Variants in SCAF8 observed in about 807,000 individuals in gnomAD.
The protein encoded by SCAF8 is SR-related CTD associated factor 8, also known as SR-related and CTD-associated factor 8.
SCAF8 carries 23 observed loss-of-function variants against 140.5 expected under a neutral mutation model. The observed-to-expected ratio is 0.16, with a 90% CI of 0.12 to 0.23. SCAF8 has a LOEUF of 0.23. SCAF8 is among the 10% of genes least tolerant of loss of function. The pLI, the probability that SCAF8 is intolerant of heterozygous loss-of-function variation, is 1.00. For synonymous variants in SCAF8, 575 were observed against 528.9 expected, an observed-to-expected ratio of 1.09 and a Z score of -1.20; for missense variants, 1,397 against 1,555.7, an observed-to-expected ratio of 0.90 and a Z score of 1.72.
At chr6:154,802,275 C>A in intron 7 of SCAF8, 128 bp downstream of exon 7, 1 of 527,320 alleles carries the variant, frequency 1.9e-6, no homozygotes, top group Non-Finnish European at 2.9e-6. Flanking sequence ...ATAAGACAGT[C>A]TGAATTTTAC....
rs538989686 is a variant in SCAF8, at chr6:154,808,756, C to T, written c.1184C>T (p.Ala395Val). Residue 395 changes from alanine to valine, a missense_variant, in exon 11 of 20, where the codon GCG becomes GTG. Ala to Val is a moderately conservative substitution (Grantham distance 64). Around this residue, in one of 5 missense-constraint regions of SCAF8, gnomAD observed 339 missense variants for 407.5 expected, o/e 0.83. Transcript: ENST00000367178. ...EVFEQEAKKV[A>V]VRSRSRTHSR... The stretch of plus-strand genomic sequence containing the variant: ...TTTGAACAAGAAGCTAAGAAAGTGG[C>T]GGTTCGCTCAAGATCAAGAACACAT... The T allele has an allele frequency of 5.6e-6, 9 of 1,613,546 alleles. 1 individual carries two copies. The highest frequency in any genetic ancestry group is 5.5e-5 in the South Asian group (5 of 91,032).
intron 19 of SCAF8, among the ~76,000 whole-genome samples, chr6:154,831,695 C>T (rs1228067782): frequency 2.0e-5 from 2 of 99,222 alleles, no homozygotes; most frequent in Non-Finnish European, 3.7e-5. Context: ...AACCTCCACT[C>T]CTGTTCTTAA....
intron 17 of SCAF8, among the ~76,000 whole-genome samples, chr6:154,825,655 CA>C (rs34342159): frequency 1.7e-3 from 108 of 64,352 alleles, no homozygotes; most frequent in Admixed American, 1.9e-3. Context: ...GACCTTGTCT[CA>C]AAAAAAAAAA....
intron 4 of SCAF8, among the ~76,000 whole-genome samples, chr6:154,788,995 A>C (rs954455476): frequency 2.0e-5 from 3 of 152,224 alleles, no homozygotes; most frequent in Non-Finnish European, 4.4e-5. Context: ...AAAGCTCACC[A>C]CAAATTATTC....
chr6:154,833,160 G>A lies in SCAF8; in HGVS notation c.3581G>A (p.Arg1194Gln), dbSNP rs769802562. ...ACTTGGGTTCCCCCTCCTCATGCTC[G>A]GGTTTTTGATTATTTTGAAGGGGCC... Reference protein sequence around the residue: ...QNTWVPPPHARVFDYFEGATS... With the variant: ...QNTWVPPPHAQVFDYFEGATS... The change falls in exon 20 of 20, where the codon CGG becomes CAG. Residue 1194 changes from arginine (R) to glutamine (Q), a missense_variant. By Grantham distance (43) the Arg-to-Gln change is conservative. This residue lies in a region of SCAF8 where 930 missense variants were observed against 874.6 expected (regional missense o/e 1.06). Coordinates refer to ENST00000367178, the MANE Select transcript of SCAF8 (RefSeq NM_014892.5). 2.3e-5 allele frequency: 37 copies of A among 1,613,942 alleles called. No homozygotes were observed. The South Asian group carries it at 3.0e-4, about 13-fold the overall frequency.
intron 4 of SCAF8, among the ~76,000 whole-genome samples, chr6:154,790,256 A>G (rs1317338131): frequency 6.6e-6 from 1 of 152,166 alleles, no homozygotes; most frequent in Non-Finnish European, 1.5e-5. Flanking sequence ...AGAAGAACAT[A>G]AGGCATTTTC....
Position 154,787,911 on chromosome 6 carries a change from G to C in SCAF8, c.210G>C (p.Val70=), listed in dbSNP as rs760801563. ...GACTTTATGTTATTGACTCCATTGTGCGACAATCCCGACATCAGTTTGGTC... is the reference window on the plus strand; with the variant it reads ...GACTTTATGTTATTGACTCCATTGTCCGACAATCCCGACATCAGTTTGGTC... ...VPGLYVIDSI[V]RQSRHQFGQE... is the part of the protein sequence containing the mutation. The change falls in exon 4 of 20, where the codon GTG becomes GTC. Residue 70 remains valine, a synonymous_variant. Transcript: ENST00000367178. 1.7e-5 allele frequency: 27 copies of C among 1,613,588 alleles called. No individual in the cohort carries two copies. In the Admixed American group the frequency reaches 2.2e-4, roughly 13 times the overall value.
intron 1 of SCAF8, among the ~76,000 whole-genome samples, chr6:154,743,570 C>T (rs978360880): frequency 9.9e-5 from 15 of 152,046 alleles, no homozygotes; most frequent in African/African-American, 3.4e-4. Context: ...GATGTGATTC[C>T]TCAGGGTTCA....
intron 3 of SCAF8, among the ~76,000 whole-genome samples, chr6:154,784,120 G>GAGATATATATATATATATAT (rs1362230678): frequency 5.6e-5 from 6 of 106,832 alleles, no homozygotes; most frequent in African/African-American, 1.9e-4. Context: ...GGTGTCTTGA[G>GAGATATATATATATATATAT]ATATATATAT....
At chr6:154,746,238 T>C (rs978635276) in intron 1 of SCAF8, among the ~76,000 whole-genome samples, 41 of 152,194 alleles carry the variant, frequency 2.7e-4, no homozygotes, top group African/African-American at 8.9e-4. Context: ...ACTCTGATTG[T>C]CTCAGTTTTG....
At chr6:154,765,637 A>G (rs1166311032) in intron 1 of SCAF8, among the ~76,000 whole-genome samples, 1 of 152,160 alleles carries the variant, frequency 6.6e-6, no homozygotes, top group East Asian at 1.9e-4. Context: ...TAAGTCACAT[A>G]TCTTTGATAA....
At chr6:154,760,993 G>A (rs1025770356) in intron 1 of SCAF8, among the ~76,000 whole-genome samples, 3 of 151,748 alleles carry the variant, frequency 2.0e-5, no homozygotes, top group Non-Finnish European at 2.9e-5. Flanking sequence ...GTAGAGGCAG[G>A]GCCTTGCTGT....
chr6:154,775,300 T>G lies in SCAF8; in HGVS notation c.114+1228T>G, dbSNP rs188406344. On this transcript the variant is annotated intron_variant, in intron 2 of 19. Transcript: ENST00000367178. ...GAAGCCAGGAAATGTTTCAAAGACA[T>G]GATTATTTAGAGGATTTGATAGGCT... Among the ~76,000 whole-genome samples the G allele has an allele frequency of 4.6e-5, 7 of 152,252 alleles. No homozygotes were observed. In the East Asian group the frequency reaches 1.4e-3, roughly 29 times the overall value.
At chr6:154,803,304 A>G (rs928959707) in intron 7 of SCAF8, among the ~76,000 whole-genome samples, 1 of 152,288 alleles carries the variant, frequency 6.6e-6, no homozygotes. Flanking sequence ...AAATTTGAGT[A>G]TTAGTGTTTA....
At chr6:154,755,301 T>G (rs939243224) in intron 1 of SCAF8, among the ~76,000 whole-genome samples, 3 of 152,302 alleles carry the variant, frequency 2.0e-5, no homozygotes, top group Non-Finnish European at 4.4e-5. Context: ...TCGCCCACAC[T>G]GGCATGCAGT....
chr6:154,833,340 T>A lies in SCAF8; in HGVS notation c.3761T>A (p.Val1254Asp), dbSNP rs1022370965. The change falls in exon 20 of 20, where the codon GTT becomes GAT. Residue 1254 changes from valine to aspartate, a missense_variant. Transcript: ENST00000367178. ...ATAAACAAGGAGAAGAGTGACACAG[T>A]TGCTGATATAGAAAGTGAACCAGTG... ...NEINKEKSDT[V>D]ADIESEPVVE... is the part of the protein sequence containing the mutation. The A allele has an allele frequency of 1.2e-6, 2 of 1,613,892 alleles. No homozygotes were observed. Among genetic ancestry groups the A allele is most frequent in the Non-Finnish European group, 1.7e-6 (2 of 1,179,966 alleles).
intron 1 of SCAF8, among the ~76,000 whole-genome samples, chr6:154,735,462 ATAC>A (rs1290031562): frequency 1.3e-5 from 2 of 151,800 alleles, no homozygotes; most frequent in African/African-American, 4.8e-5. Context: ...TTCTTTTTTA[ATAC>A]TACATTTTTT....
chr6:154,817,101 T>G (rs1778274414), intron 13 of SCAF8, among the ~76,000 whole-genome samples: 1 of 151,810 alleles, frequency 6.6e-6, no homozygotes, highest in Non-Finnish European at 1.5e-5. Flanking sequence ...CTCTGAAGTT[T>G]CTTTCTGATT....
intron 1 of SCAF8, among the ~76,000 whole-genome samples, chr6:154,773,622 A>G (rs1444287628): frequency 6.6e-6 from 1 of 152,226 alleles, no homozygotes; most frequent in African/African-American, 2.4e-5. Flanking sequence ...TCTTGGGTAC[A>G]TACCTAGAAG....
Sources: gnomAD v4.1 joint callset for allele counts (sites outside exome capture counted in the v4.1 genomes callset) on GRCh38, gnomAD v4.1.1 for gene constraint, gnomAD v4.1.1 regional missense constraint, MANE v1.5 for transcripts, NCBI Gene and HGNC (gene_info 2026-07-23, HGNC 2026-07-21) for gene names.